The following CALB2 variants were observed in gnomAD, a reference collection of about 807,000 sequenced individuals.
CALB2 encodes calretinin.
In CALB2, 34 loss-of-function variants were observed where a neutral mutation model predicts 45.9. The observed-to-expected ratio is 0.74, with a 90% CI of 0.56 to 0.99. The LOEUF (loss-of-function observed/expected upper bound fraction) is 0.99, where lower values mean the gene tolerates loss of function less well. Among genes scored for constraint, CALB2 ranks in the 50% least tolerant of loss-of-function variants. CALB2 has a pLI of 0.00. For synonymous variants in CALB2, 142 were observed against 129.6 expected (o/e 1.10, Z -0.65); for missense variants, 344 against 339.3 (o/e 1.01, Z -0.11).
At position 71,384,837 on chromosome 16, in the gene CALB2, G is replaced by GTT; in HGVS notation, c.627+2_627+3insTT. On this transcript the variant is annotated splice_donor_variant, in intron 9 of 10. Transcript: ENST00000302628. LOFTEE classifies it high-confidence loss of function. ...CGCGATCTTCACATTTTACGACAAGGTAAGAGAGGGAGTTGGCATGGCAGG... is the reference window on the plus strand; with the variant it reads ...CGCGATCTTCACATTTTACGACAAGGTTTAAGAGAGGGAGTTGGCATGGCAGG... 6.2e-7 allele frequency: 1 copy of GTT among 1,612,316 alleles called. No individual in the cohort carries two copies. The highest frequency in any genetic ancestry group is 1.1e-5 in the South Asian group (1 of 91,024).
chr16:71,373,070 G>T (rs573345010), intron 2 of CALB2, among the ~76,000 whole-genome samples: 4 of 152,260 alleles, frequency 2.6e-5, no homozygotes, highest in African/African-American at 9.6e-5. Flanking sequence ...AAAGCCTTTT[G>T]GGGGAGGTAT....
At position 71,365,044 on chromosome 16, in the gene CALB2, C is replaced by T. The variant is rs146056474; in HGVS notation, c.94+6158C>T. Among the ~76,000 whole-genome samples, 338 of 152,212 alleles carry T rather than the reference C, an allele frequency of 2.2e-3. 1 individual carries two copies. Among genetic ancestry groups the T allele is most frequent in the African/African-American group, 7.3e-3 (302 of 41,530 alleles). ...AGTGGAAAGCTTTTTGGGAATGGTG[C>T]GCACCAAGCAAAGCAGGATTAATAC... is the stretch of plus-strand genomic sequence containing the variant. On this transcript the variant is annotated intron_variant, in intron 1 of 10. Transcript: ENST00000302628.
At chr16:71,384,495 A>C (rs2042541341) in intron 8 of CALB2, 117 bp downstream of exon 8, 4 of 821,114 alleles carry the variant, frequency 4.9e-6, no homozygotes. Context: ...CACACCACAC[A>C]CACACAAAAC....
At chr16:71,370,087 C>T (rs1321819067) in intron 1 of CALB2, among the ~76,000 whole-genome samples, 1 of 152,220 alleles carries the variant, frequency 6.6e-6, no homozygotes, top group Admixed American at 6.5e-5. Flanking sequence ...AAATCTCATT[C>T]TGCGAGCCCA....
intron 1 of CALB2, among the ~76,000 whole-genome samples, chr16:71,363,375 G>A (rs1377802746): frequency 2.0e-5 from 3 of 152,174 alleles, no homozygotes; most frequent in African/African-American, 4.8e-5. Flanking sequence ...CAGGGACTGA[G>A]TCCTGTTCCT....
At chr16:71,384,444 T>G in intron 8 of CALB2, 66 bp downstream of exon 8, 1 of 1,268,618 alleles carries the variant, frequency 7.9e-7, no homozygotes, top group South Asian at 1.2e-5. Context: ...GCACCCTCCT[T>G]CCCCCAACGC....
chr16:71,374,886 TGTG>T, intron 3 of CALB2, 52 bp downstream of exon 3: 1 of 1,263,182 alleles, frequency 7.9e-7, no homozygotes, highest in Non-Finnish European at 1.2e-6. Context: ...CCTGGGTCCC[TGTG>T]CCTCTCCCAG....
Position 71,384,368 on chromosome 16 carries a change from T to G in CALB2, c.563T>G (p.Leu188Arg). 1 of 1,608,466 alleles carries G rather than the reference T, an allele frequency of 6.2e-7. No individual in the cohort carries two copies. The highest frequency in any genetic ancestry group is 2.2e-5 in the East Asian group (1 of 44,538). Residue 188 changes from leucine to arginine, a missense_variant, in exon 8 of 11, where the codon CTT (leucine) becomes CGT (arginine). Leu to Arg is a moderately radical substitution (Grantham distance 102). Around this residue, in one of 3 missense-constraint regions of CALB2, gnomAD observed 263 missense variants for 241.7 expected, o/e 1.09. Transcript: ENST00000302628. Reference protein sequence around the residue: ...RLLPVQENFLLKFQGMKLTSE... With the variant: ...RLLPVQENFLRKFQGMKLTSE... The stretch of plus-strand genomic sequence containing the variant: ...CTGCCTGTCCAGGAAAACTTCCTGC[T>G]TAAATTTCAGGTAAAACTTTGCTTT...
intron 3 of CALB2, among the ~76,000 whole-genome samples, chr16:71,377,313 AC>A (rs1347258583): frequency 1.3e-5 from 2 of 152,120 alleles, no homozygotes; most frequent in Admixed American, 6.6e-5. Flanking sequence ...AGGCCCTCTT[AC>A]CCCAGGCAAC....
At chr16:71,382,057 AGAG>A (rs2042500226) in intron 4 of CALB2, among the ~76,000 whole-genome samples, 1 of 90,340 alleles carries the variant, frequency 1.1e-5, no homozygotes, top group Non-Finnish European at 2.1e-5. Flanking sequence ...GAGGAGGAGG[AGAG>A]GGGGAGGGGG....
chr16:71,380,084 G>C (rs1250912730), intron 4 of CALB2, among the ~76,000 whole-genome samples: 1 of 151,894 alleles, frequency 6.6e-6, no homozygotes, highest in African/African-American at 2.4e-5. Flanking sequence ...CTCCTTTCCT[G>C]ATAGAGAGAC....
At position 71,358,875 on chromosome 16, in the gene CALB2, T is replaced by C; in HGVS notation, c.83T>C (p.Phe28Ser). 6.2e-7 allele frequency: 1 copy of C among 1,613,138 alleles called. No homozygotes were observed. The highest frequency in any genetic ancestry group is 8.5e-7 in the Non-Finnish European group (1 of 1,179,728). ...CAGTTCCTGGAAATATGGAAGCACT[T>C]TGACGCAGACGGTCAGTAAAGCTCC... ...ASQFLEIWKH[F>S]DADGNGYIEG... The change falls in exon 1 of 11, where the codon TTT (phenylalanine) becomes TCT (serine). Residue 28 changes from phenylalanine to serine, a missense_variant. Physicochemically the swap from Phe to Ser is radical, Grantham distance 155. This residue lies in a region of CALB2 where 77 missense variants were observed against 80.5 expected (regional missense o/e 0.96). Coordinates refer to ENST00000302628, the MANE Select transcript of CALB2 (RefSeq NM_001740.5).
At position 71,385,566 on chromosome 16, in the gene CALB2, C is replaced by T; in HGVS notation, c.628-11C>T. 1 of 1,613,514 alleles carries T rather than the reference C, an allele frequency of 6.2e-7. No homozygotes were observed. Among genetic ancestry groups the T allele is most frequent in the Non-Finnish European group, 8.5e-7 (1 of 1,179,490 alleles). On this transcript the variant is annotated splice_polypyrimidine_tract_variant and intron_variant, in intron 9 of 10. Transcript: ENST00000302628. ...TTTAGAGCTCTGGGTTGACTCTGCT[C>T]CCATCCCCAGGATAGAAGCGGCTAC...
In CALB2 at chr16:71,383,386, T is replaced by C. The variant is rs781115969; in HGVS notation, c.419T>C (p.Leu140Pro). The C allele has an allele frequency of 3.1e-6, 5 of 1,614,126 alleles. No homozygotes were observed. The highest frequency in any genetic ancestry group is 2.5e-6 in the Non-Finnish European group (3 of 1,180,014). The change falls in exon 6 of 11, where the codon CTG becomes CCG. Residue 140 changes from leucine (L) to proline (P), a missense_variant. Leu to Pro is a moderately conservative substitution (Grantham distance 98). Around this residue, in one of 3 missense-constraint regions of CALB2, gnomAD observed 263 missense variants for 241.7 expected, o/e 1.09. Coordinates refer to ENST00000302628, the MANE Select transcript of CALB2 (RefSeq NM_001740.5). ...NELKGFLSDL[L>P]KKANRPYDEP... ...TTGCAGGGATTCCTGTCAGACCTGC[T>C]GAAGAAGGCGAACCGGCCGTACGAT...
Position 71,385,615 on chromosome 16 carries a change from C to T in CALB2, c.666C>T (p.Ala222=). The T allele has an allele frequency of 5.0e-6, 8 of 1,613,986 alleles. No individual in the cohort carries two copies. The highest frequency in any genetic ancestry group is 6.8e-6 in the Non-Finnish European group (8 of 1,179,980). ...SGYIDEHELD[A]LLKDLYEKNK... ...ACATTGACGAGCATGAGCTGGATGCCCTTTTGAAGGATCTGTACGAGAAAA... is the reference window on the plus strand; with the variant it reads ...ACATTGACGAGCATGAGCTGGATGCTCTTTTGAAGGATCTGTACGAGAAAA... Residue 222 remains alanine (A), a synonymous_variant, in exon 10 of 11, where the codon GCC becomes GCT. Transcript: ENST00000302628.
intron 2 of CALB2, among the ~76,000 whole-genome samples, 173 bp from the exon 3 acceptor site, chr16:71,374,572 T>G (rs12444419): frequency 0.29 from 43,458 of 151,958 alleles, 6,367 homozygotes; most frequent in South Asian, 0.39. Flanking sequence ...ATGACTTAAT[T>G]TGAAGGGAAC....
At chr16:71,387,533 G>C (rs924469532) in intron 10 of CALB2, among the ~76,000 whole-genome samples, 3 of 151,982 alleles carry the variant, frequency 2.0e-5, no homozygotes, top group African/African-American at 7.3e-5. Context: ...AGTGTGATAA[G>C]GTTTCTGAGC....
At chr16:71,382,859 G>T in intron 5 of CALB2, 84 bp downstream of exon 5, 1 of 1,265,532 alleles carries the variant, frequency 7.9e-7, no homozygotes, top group Non-Finnish European at 1.1e-6. Flanking sequence ...TTGGATGAGG[G>T]GCATGAGTTT....
chr16:71,378,210 G>C (rs1340079932), intron 4 of CALB2, among the ~76,000 whole-genome samples: 1 of 152,068 alleles, frequency 6.6e-6, no homozygotes, highest in African/African-American at 2.4e-5. Context: ...GGGTGACAGA[G>C]AGAGACTCCG....
Sources: gnomAD v4.1 joint callset for allele counts (sites outside exome capture counted in the v4.1 genomes callset) on GRCh38, gnomAD v4.1.1 for gene constraint, gnomAD v4.1.1 regional missense constraint, MANE v1.5 for transcripts, NCBI Gene and HGNC (gene_info 2026-07-23, HGNC 2026-07-21) for gene names.